OLAH: variants seen among roughly 807,000 people sequenced by gnomAD.
The protein encoded by OLAH is S-acyl fatty acid synthase thioesterase, medium chain.
In OLAH, 33 loss-of-function variants were observed where a neutral mutation model predicts 27.8. That is an observed-to-expected ratio of 1.19 (90% CI 0.90 to 1.59). OLAH has a LOEUF of 1.59. Among genes scored for constraint, OLAH ranks in the 40% most tolerant of loss-of-function variants. OLAH has a pLI of 0.00. For missense variants in OLAH, 359 were observed against 310.8 expected, an observed-to-expected ratio of 1.16 and a Z score of -1.17; for synonymous variants, 120 against 102.9, an observed-to-expected ratio of 1.17 and a Z score of -1.01.
chr10:15,044,859 G>T (rs533375880), intron 1 of OLAH, among the ~76,000 whole-genome samples: 1 of 152,166 alleles, frequency 6.6e-6, no homozygotes, highest in Non-Finnish European at 1.5e-5. Context: ...TCTTGGTTTT[G>T]CAGTTTCATT....
At chr10:15,035,850 A>G (rs554379662) in intron 1 of OLAH, among the ~76,000 whole-genome samples, 1 of 152,232 alleles carries the variant, frequency 6.6e-6, no homozygotes, top group South Asian at 2.1e-4. Flanking sequence ...AAACAAAAAG[A>G]GCCTGAGGTT....
chr10:15,047,238 A>C lies in OLAH; in HGVS notation c.-51A>C, dbSNP rs1589239495. On this transcript the variant is annotated 5_prime_UTR_variant, in exon 2 of 8. Coordinates refer to ENST00000378228, the MANE Select transcript of OLAH (RefSeq NM_001039702.3). Reference sequence around the variant, plus strand: ...TCTCAAGAGGAACTGACTTCTGTTGAGCACTCAACACGCCACAGAGACCAG... The same window carrying C: ...TCTCAAGAGGAACTGACTTCTGTTGCGCACTCAACACGCCACAGAGACCAG... 6.2e-7 allele frequency: 1 copy of C among 1,601,766 alleles called. No individual in the cohort carries two copies. Among genetic ancestry groups the C allele is most frequent in the Non-Finnish European group, 8.5e-7 (1 of 1,171,870 alleles).
In OLAH at chr10:15,073,463, G is replaced by T. The variant is rs71485544; in HGVS notation, c.*234G>T. The stretch of plus-strand genomic sequence containing the variant: ...ATCACGAGGTCAGGAGATCGAGACC[G>T]TCCTGGCTAACACCGTGAAACCCCA... On this transcript the variant is annotated 3_prime_UTR_variant, in exon 8 of 8. Coordinates refer to ENST00000378228, the MANE Select transcript of OLAH (RefSeq NM_001039702.3). 5.4e-6 allele frequency: 2 copies of T among 369,996 alleles called. No individual in the cohort carries two copies. Among genetic ancestry groups the T allele is most frequent in the Non-Finnish European group, 9.8e-6 (2 of 203,888 alleles). 22.9% of individuals were successfully genotyped at this position (369,996 alleles called of 1,614,324 possible). A position where few individuals can be genotyped will look rare whatever the true frequency, so the allele number is the denominator to read the frequency against.
At chr10:15,042,729 T>C (rs76087557), upstream of OLAH, among the ~76,000 whole-genome samples, 1,244 of 152,264 alleles carry the variant, frequency 8.2e-3, 11 homozygotes, top group African/African-American at 0.026. Flanking sequence ...ACCCAAGCCT[T>C]CTTTTCATCC....
Position 15,036,099 on chromosome 10 carries a change from C to T in OLAH, c.-164+3749C>T, listed in dbSNP as rs147199805. Among the ~76,000 whole-genome samples the T allele has an allele frequency of 2.6e-3, 398 of 152,288 alleles. 4 individuals carry two copies. The highest frequency in any genetic ancestry group is 8.9e-3 in the African/African-American group (370 of 41,568). On this transcript the variant is annotated intron_variant, in intron 1 of 3. Transcript: ENST00000413672. The stretch of plus-strand genomic sequence containing the variant: ...CCTGCTAAGAAGGTCCTGGCCCAGA[C>T]GCTGATTAACTGTACGTTTAAGTCA...
chr10:15,049,901 G>T, intron 3 of OLAH, 136 bp downstream of exon 3: 1 of 792,114 alleles, frequency 1.3e-6, no homozygotes, highest in South Asian at 1.9e-5. Context: ...GCTTCAATAG[G>T]GTGACTTTTA....
At chr10:15,054,611 A>G (rs1003867226) in intron 3 of OLAH, among the ~76,000 whole-genome samples, 13 of 121,186 alleles carry the variant, frequency 1.1e-4, no homozygotes, top group Non-Finnish European at 1.8e-4. Context: ...TATGACTACT[A>G]CTTTGTTTTG....
chr10:15,054,726 G>A (rs1166686744), intron 3 of OLAH, among the ~76,000 whole-genome samples: 2 of 152,096 alleles, frequency 1.3e-5, no homozygotes, highest in East Asian at 3.9e-4. Flanking sequence ...ATTCAATACA[G>A]CACTTTGCAT....
Position 15,064,509 on chromosome 10 carries a change from A to T in OLAH, c.402+7A>T, listed in dbSNP as rs956617585. On this transcript the variant is annotated splice_region_variant and intron_variant, in intron 5 of 7. Transcript: ENST00000378228. ...AAGTGCAACTCCTGTACATGTAAGT[A>T]ATTTAGCTTTTTCCTAGGAAGGGCA... The T allele has an allele frequency of 2.0e-6, 3 of 1,536,716 alleles. No homozygotes were observed. The highest frequency in any genetic ancestry group is 2.6e-6 in the Non-Finnish European group (3 of 1,136,344).
chr10:15,053,885 CT>C (rs1247072041), intron 3 of OLAH, among the ~76,000 whole-genome samples: 1 of 151,840 alleles, frequency 6.6e-6, no homozygotes, highest in African/African-American at 2.4e-5. Context: ...TGGCTAATTT[CT>C]TTTTTCATAT....
At chr10:15,052,993 G>A (rs1178355996) in intron 3 of OLAH, among the ~76,000 whole-genome samples, 4 of 151,946 alleles carry the variant, frequency 2.6e-5, no homozygotes, top group Admixed American at 1.3e-4. Context: ...CACCTGCCTC[G>A]GCCTCCTAAA....
At position 15,051,269 on chromosome 10, in the gene OLAH, T is replaced by C. The variant is rs191468673; in HGVS notation, c.163+1504T>C. 3.1e-3 allele frequency among the ~76,000 whole-genome samples: 468 copies of C among 152,140 alleles called. 2 individuals are homozygous for C. In the Middle Eastern group the frequency reaches 0.041, roughly 13 times the overall value. Reference sequence around the variant, plus strand: ...TTTCGTATTTTTAGTAGAGACGAGGTTTCATAGTCTTTACTAAATTCACAT... The same window carrying C: ...TTTCGTATTTTTAGTAGAGACGAGGCTTCATAGTCTTTACTAAATTCACAT... On this transcript the variant is annotated intron_variant, in intron 3 of 7. Coordinates refer to ENST00000378228, the MANE Select transcript of OLAH (RefSeq NM_001039702.3).
Position 15,061,864 on chromosome 10 carries a change from T to A in OLAH, c.302+2T>A. On this transcript the variant is annotated splice_donor_variant, in intron 4 of 7. Coordinates refer to ENST00000378228, the MANE Select transcript of OLAH (RefSeq NM_001039702.3). LOFTEE classifies it high-confidence loss of function. ...ACCATTTGCATTTTTTGGCCACAGG[T>A]ATTTGATATCTGTTTTAAAAGACTT... The A allele has an allele frequency of 6.2e-7, 1 of 1,612,466 alleles. No individual in the cohort carries two copies. Among genetic ancestry groups the A allele is most frequent in the Non-Finnish European group, 8.5e-7 (1 of 1,179,448 alleles).
intron 7 of OLAH, among the ~76,000 whole-genome samples, chr10:15,072,209 G>A (rs547566129): frequency 1.3e-5 from 2 of 152,142 alleles, no homozygotes; most frequent in East Asian, 3.9e-4. Flanking sequence ...TGGGATTATA[G>A]GCATGAGCCA....
At chr10:15,056,850 G>A (rs535791545) in intron 3 of OLAH, 2 of 1,512,164 alleles carry the variant, frequency 1.3e-6, no homozygotes, top group Non-Finnish European at 1.8e-6. Context: ...TGTTGCCAAG[G>A]CTGGTCTCAA....
intron 6 of OLAH, among the ~76,000 whole-genome samples, chr10:15,070,044 T>C (rs2131380043): frequency 6.6e-6 from 1 of 152,220 alleles, no homozygotes; most frequent in Non-Finnish European, 1.5e-5. Flanking sequence ...GCCCCATCTC[T>C]CTGTAGTGGG....
intron 7 of OLAH, among the ~76,000 whole-genome samples, chr10:15,072,225 C>T (rs944833779): frequency 4.6e-5 from 7 of 152,044 alleles, no homozygotes; most frequent in African/African-American, 1.7e-4. Context: ...AGCCACCATG[C>T]CTGGCCAGCT....
chr10:15,053,475 T>C (rs1046952846), intron 3 of OLAH, among the ~76,000 whole-genome samples: 2 of 152,156 alleles, frequency 1.3e-5, no homozygotes, highest in African/African-American at 4.8e-5. Context: ...TGAGCATGCA[T>C]ACAACTCCAG....
At position 15,061,395 on chromosome 10, in the gene OLAH, T is replaced by A. The variant is rs548202363; in HGVS notation, c.164-329T>A. On this transcript the variant is annotated intron_variant, in intron 3 of 7. Coordinates refer to ENST00000378228, the MANE Select transcript of OLAH (RefSeq NM_001039702.3). ...CCTCTAGGTCACCCTTGAAACCTGA[T>A]GTTTTATTTTCCTGATATAGGTAAC... Among the ~76,000 whole-genome samples the A allele has an allele frequency of 2.6e-5, 4 of 152,330 alleles. No homozygotes were observed. The East Asian group carries it at 5.8e-4, about 22-fold the overall frequency.
Sources: gnomAD v4.1 joint callset for allele counts (sites outside exome capture counted in the v4.1 genomes callset) on GRCh38, gnomAD v4.1.1 for gene constraint, MANE v1.5 for transcripts, NCBI Gene and HGNC (gene_info 2026-07-23, HGNC 2026-07-21) for gene names.